CCNC: variants seen among roughly 807,000 people sequenced by gnomAD.
The protein encoded by CCNC is cyclin-C.
In CCNC, 19 loss-of-function variants were observed where a neutral mutation model predicts 50.0. That is an observed-to-expected ratio of 0.38 (90% CI 0.27 to 0.56). The LOEUF is 0.56. Ranked by LOEUF, CCNC falls within the 20% of genes least tolerant of loss-of-function variation. The probability of loss-of-function intolerance (pLI) is 0.72; values close to 1 mark genes in which losing one functional copy is unlikely to be tolerated. For synonymous variants in CCNC, 93 were observed against 103.7 expected, an observed-to-expected ratio of 0.90 and a Z score of 0.63; for missense variants, 200 against 327.1, an observed-to-expected ratio of 0.61 and a Z score of 3.00.
chr6:99,556,466 T>C (rs912516433), intron 5 of CCNC, among the ~76,000 whole-genome samples: 1 of 152,228 alleles, frequency 6.6e-6, no homozygotes, highest in African/African-American at 2.4e-5. Context: ...TCATCTTACA[T>C]AATTCTGTCA....
At chr6:99,567,329 C>A (rs1183443968) in intron 1 of CCNC, among the ~76,000 whole-genome samples, 1 of 151,570 alleles carries the variant, frequency 6.6e-6, no homozygotes, top group Non-Finnish European at 1.5e-5. Flanking sequence ...CCTAAACTTT[C>A]GATACTTTAA....
intron 5 of CCNC, among the ~76,000 whole-genome samples, chr6:99,552,950 G>A (rs1802363846): frequency 6.6e-6 from 1 of 152,002 alleles, no homozygotes; most frequent in African/African-American, 2.4e-5. Context: ...GCCGAGGCAG[G>A]AGAATCCCTT....
intron 9 of CCNC, 73 bp from the exon 10 acceptor site, chr6:99,546,547 T>A: frequency 1.0e-6 from 1 of 970,818 alleles, no homozygotes; most frequent in Non-Finnish European, 1.7e-6. Context: ...CAAAGATTTT[T>A]CACTATTTCC....
At chr6:99,543,746 C>T (rs566627725) in intron 11 of CCNC, 137 bp from the exon 12 acceptor site, 53 of 1,426,368 alleles carry the variant, frequency 3.7e-5, no homozygotes, top group South Asian at 1.1e-4. Context: ...TTATAAGACA[C>T]GTGAAAAATT....
chr6:99,552,877 A>G (rs1802359489), intron 5 of CCNC, among the ~76,000 whole-genome samples: 1 of 152,112 alleles, frequency 6.6e-6, no homozygotes, highest in Non-Finnish European at 1.5e-5. Flanking sequence ...CCCCATCTCT[A>G]CTAAAAATAC....
chr6:99,543,861 C>T, intron 11 of CCNC: 1 of 1,316,478 alleles, frequency 7.6e-7, no homozygotes, highest in Non-Finnish European at 9.7e-7. Flanking sequence ...CATATATACT[C>T]AAAAACTTTA....
chr6:99,547,898 G>A (rs1275634699), intron 9 of CCNC, among the ~76,000 whole-genome samples: 1 of 152,120 alleles, frequency 6.6e-6, no homozygotes, highest in Non-Finnish European at 1.5e-5. Flanking sequence ...ACAATCGAGA[G>A]GAAGGCACAA....
chr6:99,552,550 G>GA (rs1051478835), intron 5 of CCNC, among the ~76,000 whole-genome samples: 5 of 150,450 alleles, frequency 3.3e-5, no homozygotes, highest in South Asian at 2.1e-4. Context: ...AAGTACAAAT[G>GA]AAAAAAAAAT....
chr6:99,562,725 C>A, intron 2 of CCNC, 117 bp downstream of exon 2: 5 of 587,150 alleles, frequency 8.5e-6, no homozygotes, highest in Admixed American at 3.5e-5. Context: ...AAAAGAATAC[C>A]TGTATAAGCA....
intron 5 of CCNC, among the ~76,000 whole-genome samples, chr6:99,554,652 A>G (rs1356833402): frequency 6.6e-6 from 1 of 152,164 alleles, no homozygotes; most frequent in South Asian, 2.1e-4. Flanking sequence ...TATCCTCATC[A>G]ATAGACGTTT....
At chr6:99,549,234 A>G (rs1027203200) in intron 9 of CCNC, 29 of 487,158 alleles carry the variant, frequency 6.0e-5, no homozygotes, top group Non-Finnish European at 1.0e-4. Context: ...TTTTCCCTCT[A>G]AACAAACAAA....
At chr6:99,544,312 T>C (rs1233795179) in intron 11 of CCNC, 2 of 1,527,174 alleles carry the variant, frequency 1.3e-6, no homozygotes, top group Admixed American at 2.0e-5. Context: ...TTTGAATGAC[T>C]GCCTTAAACA....
At chr6:99,561,754 C>T (rs118041766) in intron 2 of CCNC, 73 bp from the exon 3 acceptor site, 13,034 of 918,324 alleles carry the variant, frequency 0.014, 125 homozygotes, top group Non-Finnish European at 0.019. Flanking sequence ...ACAGTAACTT[C>T]CATGTGGTTA....
intron 5 of CCNC, among the ~76,000 whole-genome samples, chr6:99,553,269 T>C (rs1802377842): frequency 6.6e-6 from 1 of 152,160 alleles, no homozygotes; most frequent in Non-Finnish European, 1.5e-5. Context: ...TACAAATCCT[T>C]GTGATGTAAA....
chr6:99,551,129 A>T, intron 6 of CCNC, 101 bp from the exon 7 acceptor site: 1 of 580,208 alleles, frequency 1.7e-6, no homozygotes, highest in Non-Finnish European at 2.5e-6. Context: ...TAATTTATCA[A>T]AAATTTTTAC....
chr6:99,549,035 G>C (rs1479715953), intron 9 of CCNC, among the ~76,000 whole-genome samples: 1 of 152,022 alleles, frequency 6.6e-6, no homozygotes, highest in Non-Finnish European at 1.5e-5. Flanking sequence ...AGGACTATCT[G>C]ACTCCACCCA....
In CCNC at chr6:99,543,479, T is replaced by G. The variant is rs771139024; in HGVS notation, c.*76A>C. ...AACAAGCTATTCATTTTCATTTGTG[T>G]TCCACTGAAGACATTACTGAAATCT... is the stretch of plus-strand genomic sequence containing the variant. On this transcript the variant is annotated 3_prime_UTR_variant, in exon 12 of 12. Coordinates refer to ENST00000520429, the MANE Select transcript of CCNC (RefSeq NM_005190.4). 1.2e-5 allele frequency: 17 copies of G among 1,460,122 alleles called. No individual in the cohort carries two copies. The highest frequency in any genetic ancestry group is 1.6e-5 in the Non-Finnish European group (17 of 1,049,022). 90.4% of individuals were successfully genotyped at this position (1,460,122 alleles called of 1,614,324 possible).
intron 5 of CCNC, among the ~76,000 whole-genome samples, chr6:99,553,750 T>C (rs1329834421): frequency 6.6e-6 from 1 of 152,198 alleles, no homozygotes; most frequent in Non-Finnish European, 1.5e-5. Flanking sequence ...CCACCGTTAT[T>C]GACTTCCCAG....
intron 1 of CCNC, among the ~76,000 whole-genome samples, chr6:99,565,008 A>G (rs1021681114): frequency 6.6e-6 from 1 of 152,132 alleles, no homozygotes; most frequent in Non-Finnish European, 1.5e-5. Flanking sequence ...TTATAATTCT[A>G]TCATTATACT....
Sources: gnomAD v4.1 joint callset for allele counts (sites outside exome capture counted in the v4.1 genomes callset) on GRCh38, gnomAD v4.1.1 for gene constraint, MANE v1.5 for transcripts, NCBI Gene and HGNC (gene_info 2026-07-23, HGNC 2026-07-21) for gene names.